HPSE2: variants seen among roughly 807,000 people sequenced by gnomAD.
HPSE2 encodes inactive heparanase-2.
HPSE2 carries 38 observed loss-of-function variants against 60.5 expected under a neutral mutation model. The ratio of observed to expected loss-of-function variants is 0.63; its 90% CI spans 0.48 to 0.82. The LOEUF (loss-of-function observed/expected upper bound fraction) is 0.82, where lower values mean the gene tolerates loss of function less well. HPSE2 is among the 40% of genes least tolerant of loss of function. The pLI is 0.00. For synonymous variants in HPSE2, 295 were observed against 293.2 expected (o/e 1.01, Z -0.06); for missense variants, 713 against 740.4 (o/e 0.96, Z 0.43).
intron 3 of HPSE2, among the ~76,000 whole-genome samples, chr10:99,058,266 AGG>A (rs1307164248): frequency 6.6e-6 from 1 of 152,208 alleles, no homozygotes; most frequent in Non-Finnish European, 1.5e-5. Flanking sequence ...AGATGAGAAA[AGG>A]GGGGAATTGT....
Position 99,232,394 on chromosome 10 carries a change from G to C in HPSE2, c.402C>G (p.Ser134Arg), listed in dbSNP as rs1849684297. ...QFQNLRNPAK[S>R]RGGPGPDYYL... is the part of the protein sequence containing the mutation. Reference sequence around the variant, plus strand: ...AGTAATCCGGGCCCGGGCCCCCGCGGCTTTTCGCCGGGTTCCTCAGGTTCT... The same window carrying C: ...AGTAATCCGGGCCCGGGCCCCCGCGCCTTTTCGCCGGGTTCCTCAGGTTCT... The change falls in exon 2 of 12, where the codon AGC becomes AGG. Residue 134 changes from serine (S) to arginine (R), a missense_variant. Ser to Arg is a moderately radical substitution (Grantham distance 110). Transcript: ENST00000370552. 1 of 1,551,756 alleles carries C rather than the reference G, an allele frequency of 6.4e-7. No individual in the cohort carries two copies. Among genetic ancestry groups the C allele is most frequent in the African/African-American group, 1.4e-5 (1 of 73,052 alleles).
At chr10:98,804,583 A>G (rs1273738648) in intron 3 of HPSE2, among the ~76,000 whole-genome samples, 1 of 152,184 alleles carries the variant, frequency 6.6e-6, no homozygotes, top group African/African-American at 2.4e-5. Flanking sequence ...ACAATGAGAT[A>G]CCATCTCACC....
chr10:98,960,720 T>A (rs866847799), intron 3 of HPSE2, among the ~76,000 whole-genome samples: 62 of 69,694 alleles, frequency 8.9e-4, no homozygotes, highest in Non-Finnish European at 1.6e-3. Context: ...TTTTTTTTTT[T>A]GTTTTATTTT....
At chr10:99,314,220 T>C in the HPSE2 span, among the ~76,000 whole-genome samples, 4 of 152,192 alleles carry the variant, frequency 2.6e-5, no homozygotes, top group Non-Finnish European at 4.4e-5. Context: ...TGGAATGCAG[T>C]GCCACCATCT....
chr10:98,980,626 T>A (rs915150917), intron 3 of HPSE2, among the ~76,000 whole-genome samples: 2 of 152,206 alleles, frequency 1.3e-5, no homozygotes, highest in African/African-American at 4.8e-5. Flanking sequence ...GCCGCTGGGA[T>A]TGACTGATAC....
chr10:99,173,488 G>C (rs1427357558), intron 2 of HPSE2, among the ~76,000 whole-genome samples: 1 of 152,148 alleles, frequency 6.6e-6, no homozygotes, highest in Non-Finnish European at 1.5e-5. Flanking sequence ...CACAGGAGAA[G>C]CCAAGAGAAG....
At chr10:98,746,021 T>C (rs1175884304) in intron 3 of HPSE2, among the ~76,000 whole-genome samples, 3 of 152,154 alleles carry the variant, frequency 2.0e-5, no homozygotes, top group East Asian at 3.9e-4. Context: ...CTTACATATA[T>C]AAGAAAGTAT....
intron 3 of HPSE2, among the ~76,000 whole-genome samples, chr10:98,969,812 A>G (rs1410487593): frequency 1.3e-5 from 2 of 152,170 alleles, no homozygotes; most frequent in Non-Finnish European, 2.9e-5. Context: ...ATTGGCTCAT[A>G]GTTCTGTAGG....
At chr10:99,185,482 A>T (rs1190962645) in intron 2 of HPSE2, among the ~76,000 whole-genome samples, 1 of 152,120 alleles carries the variant, frequency 6.6e-6, no homozygotes, top group Non-Finnish European at 1.5e-5. Context: ...ACTGAAAAAT[A>T]GAAGTGGGGC....
chr10:99,117,135 A>G (rs961060699), intron 3 of HPSE2, among the ~76,000 whole-genome samples: 3 of 152,076 alleles, frequency 2.0e-5, no homozygotes, highest in Admixed American at 2.0e-4. Context: ...TAATAAAGAG[A>G]TTTTATAATT....
chr10:99,193,882 T>C (rs1011994616), intron 2 of HPSE2, among the ~76,000 whole-genome samples: 1 of 152,122 alleles, frequency 6.6e-6, no homozygotes, highest in Non-Finnish European at 1.5e-5. Flanking sequence ...GGACAGATCA[T>C]CCAGATAGAA....
At chr10:99,139,649 C>T (rs1002686024) in intron 3 of HPSE2, among the ~76,000 whole-genome samples, 2 of 151,976 alleles carry the variant, frequency 1.3e-5, no homozygotes, top group African/African-American at 4.8e-5. Context: ...TGTCTTTCAC[C>T]ATTGCAGGGG....
chr10:98,827,898 G>C (rs576918860), intron 3 of HPSE2, among the ~76,000 whole-genome samples: 36 of 152,278 alleles, frequency 2.4e-4, no homozygotes, highest in Admixed American at 3.3e-4. Flanking sequence ...ATTTAGATAA[G>C]ATTAACATTT....
intron 3 of HPSE2, among the ~76,000 whole-genome samples, chr10:99,037,069 T>C (rs1419129246): frequency 6.6e-6 from 1 of 152,178 alleles, no homozygotes. Flanking sequence ...TGTGGTAAAC[T>C]TCCCAAAAAT....
intron 2 of HPSE2, among the ~76,000 whole-genome samples, chr10:99,215,165 C>A (rs1266520425): frequency 6.6e-6 from 1 of 152,204 alleles, no homozygotes. Context: ...TTTACTGCAA[C>A]ACTATTTACA....
chr10:98,896,449 T>C (rs1411650941), intron 3 of HPSE2, among the ~76,000 whole-genome samples: 2 of 152,150 alleles, frequency 1.3e-5, no homozygotes, highest in African/African-American at 4.8e-5. Flanking sequence ...ATCATATGGT[T>C]GGTTGGTTGT....
the HPSE2 span, among the ~76,000 whole-genome samples, chr10:99,313,592 ATTTT>A: frequency 3.5e-5 from 3 of 84,622 alleles, no homozygotes; most frequent in Non-Finnish European, 6.1e-5. Flanking sequence ...ACTGACTCCA[ATTTT>A]TTTTTTTTTT....
At chr10:98,508,125 A>G (rs1333758482) in intron 9 of HPSE2, among the ~76,000 whole-genome samples, 1 of 152,248 alleles carries the variant, frequency 6.6e-6, no homozygotes, top group Non-Finnish European at 1.5e-5. Context: ...GGACAAAGAG[A>G]GACACAGACA....
At chr10:98,822,819 G>A (rs1951454440) in intron 3 of HPSE2, among the ~76,000 whole-genome samples, 1 of 152,194 alleles carries the variant, frequency 6.6e-6, no homozygotes, top group African/African-American at 2.4e-5. Context: ...GTGGTAGGCG[G>A]AATGATGGCT....
Sources: allele counts gnomAD v4.1 joint callset (sites outside exome capture counted in the v4.1 genomes callset), GRCh38; gene constraint gnomAD v4.1.1; transcripts MANE v1.5; gene names NCBI Gene and HGNC (gene_info 2026-07-23, HGNC 2026-07-21).